The following PRKG1 variants were observed in gnomAD, a reference collection of about 807,000 sequenced individuals.
PRKG1 encodes protein kinase cGMP-dependent 1, also known as cGMP-dependent protein kinase 1.
A neutral mutation model predicts 88.1 loss-of-function variants in PRKG1; 35 were observed. That is an observed-to-expected ratio of 0.40 (90% CI 0.30 to 0.53). The LOEUF is 0.53. Ranked by LOEUF, PRKG1 falls within the 20% of genes least tolerant of loss-of-function variation. The probability of loss-of-function intolerance (pLI) is 0.59; values close to 1 mark genes in which losing one functional copy is unlikely to be tolerated. For missense variants in PRKG1, 540 were observed against 839.8 expected, an observed-to-expected ratio of 0.64 and a Z score of 4.41; for synonymous variants, 303 against 292.5, an observed-to-expected ratio of 1.04 and a Z score of -0.37.
At chr10:51,582,986 G>A (rs1838081180) in intron 3 of PRKG1, among the ~76,000 whole-genome samples, 1 of 152,132 alleles carries the variant, frequency 6.6e-6, no homozygotes, top group Non-Finnish European at 1.5e-5. Context: ...AATTCAACCT[G>A]TAGTGATGTA....
At chr10:51,779,618 C>T (rs1838533531) in intron 3 of PRKG1, among the ~76,000 whole-genome samples, 1 of 152,022 alleles carries the variant, frequency 6.6e-6, no homozygotes, top group Non-Finnish European at 1.5e-5. Context: ...AGGCCTTCTC[C>T]CCTGAATGAA....
intron 5 of PRKG1, among the ~76,000 whole-genome samples, chr10:52,041,592 C>T (rs923589911): frequency 3.3e-5 from 5 of 152,106 alleles, no homozygotes; most frequent in African/African-American, 9.7e-5. Context: ...AGCAGTGAAG[C>T]CATCAGGTCC....
chr10:52,064,513 A>G (rs1049910963), intron 7 of PRKG1, among the ~76,000 whole-genome samples: 19 of 152,186 alleles, frequency 1.2e-4, no homozygotes, highest in African/African-American at 3.4e-4. Flanking sequence ...TAGTCCCCCA[A>G]CAGCACAGGG....
chr10:51,389,790 A>C (rs563582806), intron 2 of PRKG1, among the ~76,000 whole-genome samples: 16 of 152,200 alleles, frequency 1.1e-4, no homozygotes, highest in Non-Finnish European at 2.2e-4. Context: ...GGGAACAAGA[A>C]CATCTTGGAA....
At chr10:51,823,724 G>A (rs1272963444) in intron 4 of PRKG1, among the ~76,000 whole-genome samples, 1 of 151,854 alleles carries the variant, frequency 6.6e-6, no homozygotes, top group Non-Finnish European at 1.5e-5. Context: ...TTGAAAGAGG[G>A]CATCAATGTC....
At chr10:51,664,801 A>G (rs1055097217) in intron 3 of PRKG1, among the ~76,000 whole-genome samples, 2 of 152,186 alleles carry the variant, frequency 1.3e-5, no homozygotes, top group Non-Finnish European at 2.9e-5. Context: ...ATTTTTTTAA[A>G]TGAAGAAGAT....
chr10:51,417,341 A>T lies in PRKG1; in HGVS notation c.479-50382A>T, dbSNP rs1317718101. ...TTGATCACAAAAGCTTCCCCACTGG[A>T]ATCCAGTATTCCTGCTATTCTTTAA... On this transcript the variant is annotated intron_variant, in intron 2 of 17. Transcript: ENST00000373980. 3.3e-5 allele frequency among the ~76,000 whole-genome samples: 5 copies of T among 152,340 alleles called. No homozygotes were observed. The East Asian group carries it at 7.7e-4, about 23-fold the overall frequency.
chr10:52,202,602 A>AACT (rs887045439), intron 9 of PRKG1, among the ~76,000 whole-genome samples: 80 of 152,142 alleles, frequency 5.3e-4, no homozygotes, highest in African/African-American at 1.8e-3. Flanking sequence ...TTTCCACAGG[A>AACT]ATGGTACCAC....
chr10:51,742,996 A>G (rs1203944965), intron 3 of PRKG1, among the ~76,000 whole-genome samples: 2 of 152,100 alleles, frequency 1.3e-5, no homozygotes, highest in Non-Finnish European at 2.9e-5. Flanking sequence ...ATGTATACCT[A>G]TGTAACAAAC....
intron 2 of PRKG1, among the ~76,000 whole-genome samples, chr10:51,437,347 T>G (rs1203947706): frequency 6.6e-6 from 1 of 152,014 alleles, no homozygotes; most frequent in Non-Finnish European, 1.5e-5. Flanking sequence ...CAGGCTCAAA[T>G]GAGATATACA....
intron 2 of PRKG1, among the ~76,000 whole-genome samples, chr10:51,404,286 G>T (rs1445297434): frequency 6.6e-6 from 1 of 152,194 alleles, no homozygotes; most frequent in African/African-American, 2.4e-5. Flanking sequence ...CAACAAATGC[G>T]AATACTTTGT....
At chr10:51,551,329 C>A (rs909924834) in intron 3 of PRKG1, among the ~76,000 whole-genome samples, 1 of 151,664 alleles carries the variant, frequency 6.6e-6, no homozygotes, top group African/African-American at 2.4e-5. Context: ...ATCACTAGAA[C>A]GCTAAAATTT....
At chr10:51,338,569 G>C (rs1452619053) in intron 2 of PRKG1, among the ~76,000 whole-genome samples, 1 of 152,148 alleles carries the variant, frequency 6.6e-6, no homozygotes, top group African/African-American at 2.4e-5. Context: ...TGGAACTTGT[G>C]TCAGAATTCT....
intron 2 of PRKG1, among the ~76,000 whole-genome samples, chr10:51,206,016 T>TAATTTACATTCAA (rs1838049939): frequency 6.6e-6 from 1 of 152,242 alleles, no homozygotes; most frequent in Non-Finnish European, 1.5e-5. Flanking sequence ...ATTACATTCA[T>TAATTTACATTCAA]AATTTACATT....
At chr10:51,279,623 A>G (rs1187883577) in intron 2 of PRKG1, among the ~76,000 whole-genome samples, 5 of 152,296 alleles carry the variant, frequency 3.3e-5, no homozygotes, top group South Asian at 2.1e-4. Context: ...TTCCTTTACC[A>G]TTATGTAATG....
intron 3 of PRKG1, among the ~76,000 whole-genome samples, chr10:51,706,653 C>G (rs1210556643): frequency 1.3e-5 from 2 of 152,146 alleles, no homozygotes; most frequent in Admixed American, 6.6e-5. Flanking sequence ...CCAAACTATA[C>G]TCTCAGCACT....
intron 9 of PRKG1, among the ~76,000 whole-genome samples, chr10:52,217,197 C>T (rs72787319): frequency 0.065 from 9,847 of 152,152 alleles, 539 homozygotes; most frequent in South Asian, 0.25. Context: ...TGTAAGCCTA[C>T]TAAGGAGTAA....
chr10:50,998,165 C>G (rs183200580), intron 1 of PRKG1, among the ~76,000 whole-genome samples: 1 of 152,166 alleles, frequency 6.6e-6, no homozygotes, highest in African/African-American at 2.4e-5. Context: ...TTTCATCCTT[C>G]TTTTACCCAG....
chr10:51,437,518 G>A (rs968070512), intron 2 of PRKG1, among the ~76,000 whole-genome samples: 1 of 151,832 alleles, frequency 6.6e-6, no homozygotes, highest in African/African-American at 2.4e-5. Flanking sequence ...TCACACACTT[G>A]CTTAATGGTA....
Sources: gnomAD v4.1 joint callset for allele counts (sites outside exome capture counted in the v4.1 genomes callset) on GRCh38, gnomAD v4.1.1 for gene constraint, MANE v1.5 for transcripts, NCBI Gene and HGNC (gene_info 2026-07-23, HGNC 2026-07-21) for gene names.